AUTS2: variants seen among roughly 807,000 people sequenced by gnomAD.
AUTS2 encodes the protein activator of transcription and developmental regulator AUTS2.
In AUTS2, 17 loss-of-function variants were observed where a neutral mutation model predicts 112.4. That is an observed-to-expected ratio of 0.15 (90% CI 0.10 to 0.23). AUTS2 has a LOEUF of 0.23. AUTS2 is among the 10% of genes least tolerant of loss of function. The pLI, the probability that AUTS2 is intolerant of heterozygous loss-of-function variation, is 1.00. For missense variants in AUTS2, 1,510 were observed against 1,701.6 expected (o/e 0.89, Z 1.98); for synonymous variants, 751 against 702.7 (o/e 1.07, Z -1.09).
At chr7:70,563,780 G>A (rs1204826496) in intron 5 of AUTS2, among the ~76,000 whole-genome samples, 1 of 152,172 alleles carries the variant, frequency 6.6e-6, no homozygotes, top group African/African-American at 2.4e-5. Context: ...GCATATGTAT[G>A]TTCCCTCAGT....
chr7:70,393,178 A>G (rs914732363), intron 4 of AUTS2, among the ~76,000 whole-genome samples: 9 of 152,150 alleles, frequency 5.9e-5, no homozygotes, highest in Non-Finnish European at 1.0e-4. Flanking sequence ...TCCAGCCTGT[A>G]TCTCACCTCC....
At chr7:69,856,189 A>C (rs1476667591) in intron 1 of AUTS2, among the ~76,000 whole-genome samples, 1 of 152,156 alleles carries the variant, frequency 6.6e-6, no homozygotes, top group Non-Finnish European at 1.5e-5. Context: ...CTTTAGAAAT[A>C]GGCTGAGTCC....
chr7:70,357,825 A>G lies in AUTS2; in HGVS notation c.661-77927A>G, dbSNP rs376631812. Among the ~76,000 whole-genome samples the G allele has an allele frequency of 7.4e-4, 112 of 152,340 alleles. 2 individuals are homozygous for G. Among genetic ancestry groups the G allele is most frequent in the Middle Eastern group, 3.4e-3 (1 of 294 alleles). On this transcript the variant is annotated intron_variant, in intron 4 of 18. Transcript: ENST00000342771. ...CCAATTCTGAGGTTTTGTGTGTTATATGAAGGGTGTGTGTTATGCATCGTC... is the reference window on the plus strand; with the variant it reads ...CCAATTCTGAGGTTTTGTGTGTTATGTGAAGGGTGTGTGTTATGCATCGTC...
At chr7:70,734,183 T>G (rs1585594057) in intron 6 of AUTS2, among the ~76,000 whole-genome samples, 1 of 151,650 alleles carries the variant, frequency 6.6e-6, no homozygotes, top group East Asian at 2.0e-4. Context: ...CTCACGCCTG[T>G]AATCCCAGCA....
chr7:70,245,884 A>G (rs915097037), intron 4 of AUTS2, among the ~76,000 whole-genome samples: 1 of 151,912 alleles, frequency 6.6e-6, no homozygotes, highest in African/African-American at 2.4e-5. Context: ...TCGTTTCCAC[A>G]TTTTCATGAA....
chr7:69,879,907 C>T (rs1235857853), intron 1 of AUTS2, among the ~76,000 whole-genome samples: 2 of 152,190 alleles, frequency 1.3e-5, no homozygotes, highest in Non-Finnish European at 1.5e-5. Flanking sequence ...TTAGACAATT[C>T]TACCATGTCA....
intron 4 of AUTS2, among the ~76,000 whole-genome samples, chr7:70,417,782 C>T (rs1157503365): frequency 6.6e-6 from 1 of 152,092 alleles, no homozygotes; most frequent in Non-Finnish European, 1.5e-5. Context: ...AGCCTGGGGC[C>T]TCTCATCATG....
intron 1 of AUTS2, among the ~76,000 whole-genome samples, chr7:69,647,200 T>C (rs1311957023): frequency 6.6e-6 from 1 of 152,196 alleles, no homozygotes; most frequent in Non-Finnish European, 1.5e-5. Flanking sequence ...GATAACAGTT[T>C]ACCGTTTTAA....
At position 70,260,091 on chromosome 7, in the gene AUTS2, C is replaced by T. The variant is rs564184727; in HGVS notation, c.660+125520C>T. ...TAAAACTAGATAATTTATGGCCAGGCGCGGTGGCTCACACCTGTAATCCCA... is the reference window on the plus strand; with the variant it reads ...TAAAACTAGATAATTTATGGCCAGGTGCGGTGGCTCACACCTGTAATCCCA... On this transcript the variant is annotated intron_variant, in intron 4 of 18. Transcript: ENST00000342771. Among the ~76,000 whole-genome samples, 174 of 152,078 alleles carry T rather than the reference C, an allele frequency of 1.1e-3. 2 individuals carry two copies. Among genetic ancestry groups the T allele is most frequent in the East Asian group, 9.7e-4 (5 of 5,164 alleles).
intron 1 of AUTS2, among the ~76,000 whole-genome samples, chr7:69,866,546 C>T (rs1345628663): frequency 6.6e-6 from 1 of 152,152 alleles, no homozygotes; most frequent in Middle Eastern, 3.2e-3. Context: ...ATTTTGATAG[C>T]ATATTCCTTT....
intron 2 of AUTS2, among the ~76,000 whole-genome samples, chr7:70,117,119 TTTTTTTTGTTTTTTTTTG>T (rs1805411920): frequency 9.8e-5 from 12 of 122,252 alleles, no homozygotes; most frequent in African/African-American, 2.6e-4. Context: ...TTTTTTTTGT[TTTTTTTTGTTTTTTTTTG>T]TTTTTTTTTT....
At chr7:70,090,679 TTCTG>T (rs1378756546) in intron 2 of AUTS2, among the ~76,000 whole-genome samples, 2 of 151,350 alleles carry the variant, frequency 1.3e-5, no homozygotes, top group African/African-American at 2.4e-5. Context: ...CCTTTAAGAT[TTCTG>T]TCTTTTTTTT....
chr7:70,027,584 A>T (rs1406749418), intron 2 of AUTS2, among the ~76,000 whole-genome samples: 1 of 152,186 alleles, frequency 6.6e-6, no homozygotes, highest in Admixed American at 6.5e-5. Flanking sequence ...GGCATTTTAC[A>T]TTTTGATACA....
rs1476298601 is a variant in AUTS2 at position 70,117,130 on chromosome 7, TTTTTTTG to T, written c.523-995_523-989del. On this transcript the variant is annotated intron_variant, in intron 2 of 18. Coordinates refer to ENST00000342771, the MANE Select transcript of AUTS2 (RefSeq NM_015570.4). ...TTTTTTTTTTTTGTTTTTTTTTGTT[TTTTTTTG>T]TTTTTTTTTTTGGTGTAGTACCATA... 2.3e-3 allele frequency among the ~76,000 whole-genome samples: 227 copies of T among 98,996 alleles called. 5 individuals are homozygous for T. Among genetic ancestry groups the T allele is most frequent in the Non-Finnish European group, 1.1e-3 (51 of 44,936 alleles). The allele number at this position is 98,996 out of a possible 152,430, so 64.9% of individuals were successfully genotyped here. A position where few individuals can be genotyped will look rare whatever the true frequency, so the allele number is the denominator to read the frequency against.
Position 70,777,190 on chromosome 7 carries a change from G to T in AUTS2, c.2004+16G>T. 1 of 1,610,768 alleles carries T rather than the reference G, an allele frequency of 6.2e-7. No homozygotes were observed. On this transcript the variant is annotated intron_variant, in intron 14 of 18. Transcript: ENST00000342771. Reference sequence around the variant, plus strand: ...GAAAGTCAAGGTCAGTCCGACCTTCGTGGTGTAGGGAAGAATGGGATGCAC... The same window carrying T: ...GAAAGTCAAGGTCAGTCCGACCTTCTTGGTGTAGGGAAGAATGGGATGCAC...
intron 4 of AUTS2, among the ~76,000 whole-genome samples, chr7:70,194,147 C>T (rs374747873): frequency 1.3e-5 from 2 of 152,298 alleles, no homozygotes; most frequent in East Asian, 3.9e-4. Context: ...CGGTGGCTCA[C>T]GCCTGTAATC....
In AUTS2 at chr7:70,488,218, C is replaced by T. The variant is rs558033175; in HGVS notation, c.690+52437C>T. Reference sequence around the variant, plus strand: ...GCTTCATAAGCCCTCGTGCCCGGCGCTCTAAGCTGAGGAGTGCTGGGCACC... The same window carrying T: ...GCTTCATAAGCCCTCGTGCCCGGCGTTCTAAGCTGAGGAGTGCTGGGCACC... On this transcript the variant is annotated intron_variant, in intron 5 of 18. Coordinates refer to ENST00000342771, the MANE Select transcript of AUTS2 (RefSeq NM_015570.4). Among the ~76,000 whole-genome samples the T allele has an allele frequency of 5.9e-5, 9 of 152,352 alleles. 1 individual carries two copies. In the South Asian group the frequency reaches 1.7e-3, roughly 28 times the overall value.
intron 2 of AUTS2, among the ~76,000 whole-genome samples, chr7:69,978,513 G>A (rs191245711): frequency 6.6e-6 from 1 of 152,060 alleles, no homozygotes; most frequent in Non-Finnish European, 1.5e-5. Flanking sequence ...TTGATAAGAA[G>A]TGTTCCTCTG....
intron 1 of AUTS2, among the ~76,000 whole-genome samples, chr7:69,875,276 T>C (rs1793681257): frequency 6.6e-6 from 1 of 152,202 alleles, no homozygotes. Context: ...ATTGTGTTTA[T>C]GGAATTACTT....
Sources: allele counts gnomAD v4.1 joint callset (sites outside exome capture counted in the v4.1 genomes callset), GRCh38; gene constraint gnomAD v4.1.1; transcripts MANE v1.5; gene names NCBI Gene and HGNC (gene_info 2026-07-23, HGNC 2026-07-21).